The following CSMD1 variants were observed in gnomAD, a reference collection of about 807,000 sequenced individuals.
CSMD1 encodes CUB and Sushi multiple domains 1, also known as CUB and sushi domain-containing protein 1.
CSMD1 carries 213 observed loss-of-function variants against 417.5 expected under a neutral mutation model. The ratio of observed to expected loss-of-function variants is 0.51; its 90% confidence interval spans 0.46 to 0.57. CSMD1 has a LOEUF of 0.57. Among genes scored for constraint, CSMD1 ranks in the 20% least tolerant of loss-of-function variants. The pLI is 0.00. For synonymous variants in CSMD1, 2,862 were observed against 1,736.8 expected (o/e 1.65, Z -16.11); for missense variants, 6,923 against 4,529.7 (o/e 1.53, Z -15.17).
chr8:3,464,280 G>A (rs1585203560), intron 12 of CSMD1, among the ~76,000 whole-genome samples: 1 of 151,958 alleles, frequency 6.6e-6, no homozygotes, highest in East Asian at 1.9e-4. Context: ...TAAAAACGTG[G>A]GACCACTACA....
At chr8:4,825,069 C>G (rs552736564) in intron 1 of CSMD1, among the ~76,000 whole-genome samples, 1 of 151,996 alleles carries the variant, frequency 6.6e-6, no homozygotes, top group Admixed American at 6.6e-5. Flanking sequence ...TTTATTCTCT[C>G]CCATTTTAAA....
chr8:4,445,518 G>A (rs1162701481), intron 2 of CSMD1, among the ~76,000 whole-genome samples: 3 of 152,116 alleles, frequency 2.0e-5, no homozygotes, highest in East Asian at 3.9e-4. Context: ...ATACTTCATT[G>A]GTTTTGTTTT....
At chr8:4,855,917 CA>C (rs1801771889) in intron 1 of CSMD1, among the ~76,000 whole-genome samples, 1 of 149,592 alleles carries the variant, frequency 6.7e-6, no homozygotes. Flanking sequence ...CAGAGAACGC[CA>C]CAAAGATACT....
At chr8:3,956,002 C>G (rs975719937) in intron 5 of CSMD1, among the ~76,000 whole-genome samples, 3 of 152,128 alleles carry the variant, frequency 2.0e-5, no homozygotes, top group Non-Finnish European at 4.4e-5. Flanking sequence ...ACCATATTGG[C>G]CAGGATGGTC....
At chr8:4,395,942 T>G (rs894138679) in intron 3 of CSMD1, among the ~76,000 whole-genome samples, 1 of 152,206 alleles carries the variant, frequency 6.6e-6, no homozygotes, top group African/African-American at 2.4e-5. Context: ...CGTTGAAATA[T>G]TCCCCATTTA....
chr8:3,405,568 G>A lies in CSMD1; in HGVS notation c.2266+459C>T, dbSNP rs548665130. On this transcript the variant is annotated intron_variant, in intron 15 of 69. Transcript: ENST00000635120. ...CAGATGGTGACTGTATTTGAAGATT[G>A]GGTACTTGCAGATGAATTTAGTTAG... Among the ~76,000 whole-genome samples, 55 of 152,134 alleles carry A rather than the reference G, an allele frequency of 3.6e-4. No individual in the cohort carries two copies. In the South Asian group the frequency reaches 5.0e-3, roughly 14 times the overall value.
chr8:4,723,801 C>CAAA (rs1160845027), intron 1 of CSMD1, among the ~76,000 whole-genome samples: 19 of 98,054 alleles, frequency 1.9e-4, no homozygotes, highest in Non-Finnish European at 3.1e-4. Flanking sequence ...AAAAAAAAAA[C>CAAA]AAAAAAAAAA....
intron 1 of CSMD1, among the ~76,000 whole-genome samples, chr8:4,951,144 C>A (rs750909341): frequency 1.6e-4 from 25 of 152,200 alleles, no homozygotes; most frequent in Non-Finnish European, 2.4e-4. Flanking sequence ...CTTGGACTGT[C>A]CCCTTGTTTC....
At chr8:4,896,013 G>C (rs143288205) in intron 1 of CSMD1, among the ~76,000 whole-genome samples, 23 of 152,112 alleles carry the variant, frequency 1.5e-4, no homozygotes, top group African/African-American at 5.3e-4. Context: ...TTTTCTGATT[G>C]AGATATTTGT....
chr8:4,321,308 T>A (rs1258262594), intron 3 of CSMD1, among the ~76,000 whole-genome samples: 1 of 152,138 alleles, frequency 6.6e-6, no homozygotes, highest in Non-Finnish European at 1.5e-5. Context: ...GTCTCTTGCC[T>A]ATTGTTTCCT....
chr8:4,217,446 A>AC (rs1800751857), intron 3 of CSMD1, among the ~76,000 whole-genome samples: 1 of 152,144 alleles, frequency 6.6e-6, no homozygotes, highest in African/African-American at 2.4e-5. Flanking sequence ...GACACGTTAT[A>AC]CCATAGCTAT....
chr8:3,463,559 G>A (rs369678066), intron 12 of CSMD1, among the ~76,000 whole-genome samples: 6 of 152,140 alleles, frequency 3.9e-5, no homozygotes, highest in African/African-American at 7.2e-5. Context: ...TATGAATAGC[G>A]TATTGGCTTC....
chr8:4,576,721 A>G (rs985783763), intron 2 of CSMD1, among the ~76,000 whole-genome samples: 1 of 152,162 alleles, frequency 6.6e-6, no homozygotes, highest in African/African-American at 2.4e-5. Flanking sequence ...TCTTTCTAAA[A>G]CTTAACTAAA....
chr8:4,401,732 TCCACCTGAAG>T (rs1804657534), intron 3 of CSMD1, among the ~76,000 whole-genome samples: 1 of 152,060 alleles, frequency 6.6e-6, no homozygotes, highest in Non-Finnish European at 1.5e-5. Flanking sequence ...CCCTTAACAT[TCCACCTGAAG>T]CTGGCGTCCC....
At chr8:4,434,180 A>C (rs943721541) in intron 2 of CSMD1, among the ~76,000 whole-genome samples, 2 of 152,184 alleles carry the variant, frequency 1.3e-5, no homozygotes, top group Non-Finnish European at 2.9e-5. Context: ...TCTACTAAAA[A>C]TACAGAAATT....
intron 1 of CSMD1, among the ~76,000 whole-genome samples, chr8:4,820,450 A>C (rs17071583): frequency 0.066 from 9,998 of 152,258 alleles, 556 homozygotes; most frequent in East Asian, 0.24. Context: ...CCATTTCTGC[A>C]CTGGTTTTCC....
chr8:4,091,194 C>T lies in CSMD1; in HGVS notation c.416-59095G>A, dbSNP rs527622879. Among the ~76,000 whole-genome samples, 286 of 152,130 alleles carry T rather than the reference C, an allele frequency of 1.9e-3. 1 individual carries two copies. The highest frequency in any genetic ancestry group is 6.6e-3 in the African/African-American group (275 of 41,494). On this transcript the variant is annotated intron_variant, in intron 3 of 69. Transcript: ENST00000635120. ...TCGGCCTCCCAAAGTGCTGGGATTA[C>T]GGGCTTGAACCACCACGCCCTGCCA...
chr8:4,621,716 G>T (rs1000805126), intron 2 of CSMD1, among the ~76,000 whole-genome samples: 2 of 151,732 alleles, frequency 1.3e-5, no homozygotes, highest in African/African-American at 4.8e-5. Context: ...ATCTTAAAAA[G>T]GCTACAAAAA....
chr8:4,202,041 G>A (rs1375512792), intron 3 of CSMD1, among the ~76,000 whole-genome samples: 1 of 152,120 alleles, frequency 6.6e-6, no homozygotes, highest in Non-Finnish European at 1.5e-5. Flanking sequence ...GAATCTCCCA[G>A]TCCTGCTGTG....
Sources: allele counts gnomAD v4.1 joint callset (sites outside exome capture counted in the v4.1 genomes callset), GRCh38; gene constraint gnomAD v4.1.1; transcripts MANE v1.5; gene names NCBI Gene and HGNC (gene_info 2026-07-23, HGNC 2026-07-21).